Variants in PHYHIPL observed in about 807,000 individuals in gnomAD.
PHYHIPL encodes the protein phytanoyl-CoA hydroxylase-interacting protein-like.
A neutral mutation model predicts 33.4 loss-of-function variants in PHYHIPL; 9 were observed. The observed-to-expected ratio is 0.27, with a 90% CI of 0.16 to 0.47. The LOEUF (loss-of-function observed/expected upper bound fraction) is 0.47, where lower values mean the gene tolerates loss of function less well. Ranked by LOEUF, PHYHIPL falls within the 20% of genes least tolerant of loss-of-function variation. The pLI is 0.99. For synonymous variants in PHYHIPL, 153 were observed against 154.1 expected (o/e 0.99, Z 0.05); for missense variants, 365 against 460.7 (o/e 0.79, Z 1.90).
At chr10:59,177,478 GAC>G (rs1838285711) in intron 1 of PHYHIPL, 2 of 1,547,570 alleles carry the variant, frequency 1.3e-6, no homozygotes, top group Middle Eastern at 1.7e-4. Flanking sequence ...GGATTAGGAT[GAC>G]AGTTTTTCAG....
At chr10:59,197,088 A>G (rs959909578) in intron 1 of PHYHIPL, among the ~76,000 whole-genome samples, 1 of 152,200 alleles carries the variant, frequency 6.6e-6, no homozygotes, top group African/African-American at 2.4e-5. Flanking sequence ...ACTGCTACCT[A>G]TGATAGTCCT....
chr10:59,203,390 C>G (rs1042115619), intron 1 of PHYHIPL, among the ~76,000 whole-genome samples: 6 of 152,116 alleles, frequency 3.9e-5, no homozygotes, highest in African/African-American at 1.4e-4. Context: ...CTAGAAATAC[C>G]ATTTGACCCA....
intron 4 of PHYHIPL, among the ~76,000 whole-genome samples, chr10:59,240,103 C>G (rs937116503): frequency 2.6e-5 from 4 of 151,972 alleles, no homozygotes; most frequent in African/African-American, 7.3e-5. Flanking sequence ...AATATTCCTG[C>G]CATTTGTTTG....
At chr10:59,203,261 G>C (rs1424675538) in intron 1 of PHYHIPL, among the ~76,000 whole-genome samples, 1 of 152,150 alleles carries the variant, frequency 6.6e-6, no homozygotes, top group Non-Finnish European at 1.5e-5. Flanking sequence ...AAAAAGCCAG[G>C]AAACAACAGG....
chr10:59,198,878 C>T (rs1839008541), intron 1 of PHYHIPL, among the ~76,000 whole-genome samples: 1 of 152,142 alleles, frequency 6.6e-6, no homozygotes, highest in African/African-American at 2.4e-5. Context: ...TGTTCATATC[C>T]TTTGCCCACT....
At chr10:59,239,928 C>T (rs764225173) in intron 4 of PHYHIPL, among the ~76,000 whole-genome samples, 9 of 151,960 alleles carry the variant, frequency 5.9e-5, no homozygotes, top group Non-Finnish European at 1.0e-4. Context: ...TTGTTGTGTT[C>T]TTTGTATTTG....
At chr10:59,218,736 A>G (rs1839683118) in intron 1 of PHYHIPL, among the ~76,000 whole-genome samples, 1 of 128,794 alleles carries the variant, frequency 7.8e-6, no homozygotes, top group African/African-American at 2.5e-5. Context: ...ATACATAATT[A>G]TAAATATTGA....
chr10:59,196,977 A>G (rs985883362), intron 1 of PHYHIPL, among the ~76,000 whole-genome samples: 8 of 152,184 alleles, frequency 5.3e-5, no homozygotes, highest in African/African-American at 9.7e-5. Context: ...TCTGGAGGTA[A>G]ACAGTTCAAG....
At chr10:59,198,322 C>G (rs1047204006) in intron 1 of PHYHIPL, among the ~76,000 whole-genome samples, 16 of 151,880 alleles carry the variant, frequency 1.1e-4, no homozygotes, top group African/African-American at 3.6e-4. Flanking sequence ...TTTGTCCTTG[C>G]GATAGTTTTC....
chr10:59,185,782 C>A (rs887378083), intron 1 of PHYHIPL, among the ~76,000 whole-genome samples: 1 of 152,172 alleles, frequency 6.6e-6, no homozygotes, highest in African/African-American at 2.4e-5. Context: ...AGTGTCTGTT[C>A]ATATCCTTTG....
At chr10:59,236,460 T>C in intron 2 of PHYHIPL, 23 bp from the exon 3 acceptor site, 1 of 1,470,578 alleles carries the variant, frequency 6.8e-7, no homozygotes, top group Admixed American at 2.0e-5. Flanking sequence ...TTTTTCTCTC[T>C]CTCTTCCTTC....
At chr10:59,244,012 T>G (rs138248709) in intron 4 of PHYHIPL, among the ~76,000 whole-genome samples, 2 of 152,202 alleles carry the variant, frequency 1.3e-5, no homozygotes, top group African/African-American at 4.8e-5. Context: ...AGAACCACAA[T>G]GCCCTAAAGC....
In PHYHIPL at chr10:59,239,059, A is replaced by G. The variant is rs1840313548; in HGVS notation, c.596+354A>G. Among the ~76,000 whole-genome samples, 5 of 151,906 alleles carry G rather than the reference A, an allele frequency of 3.3e-5. No individual in the cohort carries two copies. The South Asian group carries it at 1.0e-3, about 31-fold the overall frequency. On this transcript the variant is annotated intron_variant, in intron 4 of 4. Transcript: ENST00000373880. ...CTCTTTTCATGGGTCTTTTTAAGACATTGAAAATGAGAGTATAAAAGAGTG... is the reference window on the plus strand; with the variant it reads ...CTCTTTTCATGGGTCTTTTTAAGACGTTGAAAATGAGAGTATAAAAGAGTG...
chr10:59,199,604 T>C (rs1012199385), intron 1 of PHYHIPL, among the ~76,000 whole-genome samples: 26 of 152,326 alleles, frequency 1.7e-4, no homozygotes, highest in Non-Finnish European at 1.0e-4. Context: ...AAGTCGTTGG[T>C]AGCTTGATGG....
At chr10:59,201,807 G>T (rs1839127028) in intron 1 of PHYHIPL, among the ~76,000 whole-genome samples, 1 of 152,034 alleles carries the variant, frequency 6.6e-6, no homozygotes, top group African/African-American at 2.4e-5. Flanking sequence ...AGGTGAATCT[G>T]GGCCTTGATA....
intron 1 of PHYHIPL, among the ~76,000 whole-genome samples, chr10:59,198,179 A>C (rs1416314712): frequency 1.3e-5 from 2 of 152,138 alleles, no homozygotes; most frequent in East Asian, 3.9e-4. Flanking sequence ...CATTACGTAT[A>C]TCTCCTAATG....
At chr10:59,193,789 A>G (rs1838840006) in intron 1 of PHYHIPL, among the ~76,000 whole-genome samples, 1 of 152,006 alleles carries the variant, frequency 6.6e-6, no homozygotes, top group South Asian at 2.1e-4. Flanking sequence ...AGTATATCCA[A>G]TGTTAATTTA....
At chr10:59,174,495 A>G (rs1333788054), upstream of PHYHIPL, among the ~76,000 whole-genome samples, 1 of 152,190 alleles carries the variant, frequency 6.6e-6, no homozygotes, top group East Asian at 1.9e-4. Flanking sequence ...ACTCGATTTA[A>G]AAAATCCTAT....
At chr10:59,180,263 C>T (rs1352099237) in intron 1 of PHYHIPL, among the ~76,000 whole-genome samples, 1 of 138,364 alleles carries the variant, frequency 7.2e-6, no homozygotes, top group African/African-American at 2.6e-5. Flanking sequence ...TATATACACA[C>T]ACACACACAC....
Sources: allele counts gnomAD v4.1 joint callset (sites outside exome capture counted in the v4.1 genomes callset), GRCh38; gene constraint gnomAD v4.1.1; transcripts MANE v1.5; gene names NCBI Gene and HGNC (gene_info 2026-07-23, HGNC 2026-07-21).